USP43: variants seen among roughly 807,000 people sequenced by gnomAD.
USP43 encodes ubiquitin specific peptidase 43.
A neutral mutation model predicts 90.7 loss-of-function variants in USP43; 33 were observed. The observed-to-expected ratio is 0.36, with a 90% CI of 0.28 to 0.49. The LOEUF is 0.49. Ranked by LOEUF, USP43 falls within the 20% of genes least tolerant of loss-of-function variation. The probability of loss-of-function intolerance (pLI) is 0.98; values close to 1 mark genes in which losing one functional copy is unlikely to be tolerated. For missense variants in USP43, 1,274 were observed against 1,476.4 expected (o/e 0.86, Z 2.25); for synonymous variants, 598 against 615.8 (o/e 0.97, Z 0.43).
Position 9,728,277 on chromosome 17 carries a change from C to A in USP43, c.2659C>A (p.Pro887Thr). 6.2e-7 allele frequency: 1 copy of A among 1,613,520 alleles called. No homozygotes were observed. The change falls in exon 15 of 15, where the codon CCA (proline) becomes ACA (threonine). Residue 887 changes from proline to threonine, a missense_variant. Coordinates refer to ENST00000285199, the MANE Select transcript of USP43 (RefSeq NM_153210.5). This position sits in a 1 kb window ranked among gnomAD's most constrained non-coding sequence, Gnocchi z 6.2. ...TGGTGGGCGGGCCATTGAAAGAGGT[C>A]CAGCCGGGGTGCCCTGTCCCTCGGC... ...EDGGRAIERG[P>T]AGVPCPSAQP...
intron 1 of USP43, among the ~76,000 whole-genome samples, chr17:9,655,329 G>T (rs1444743331): frequency 6.6e-6 from 1 of 152,180 alleles, no homozygotes; most frequent in Non-Finnish European, 1.5e-5. Context: ...ACACCCAGAT[G>T]CCCACATGCT....
At position 9,728,009 on chromosome 17, in the gene USP43, G is replaced by A. The variant is rs1209402985; in HGVS notation, c.2391G>A (p.Met797Ile). 1 of 1,613,434 alleles carries A rather than the reference G, an allele frequency of 6.2e-7. No individual in the cohort carries two copies. Among genetic ancestry groups the A allele is most frequent in the Non-Finnish European group, 8.5e-7 (1 of 1,179,464 alleles). Residue 797 changes from methionine to isoleucine, a missense_variant, in exon 15 of 15, where the codon ATG becomes ATA. Met to Ile is a conservative substitution (Grantham distance 10). Transcript: ENST00000285199. This position sits in a 1 kb window ranked among gnomAD's most constrained non-coding sequence, Gnocchi z 6.2. ...GCGTGAAAGGCAGAAGCATTAGCAT[G>A]AAGGCACCCACCACTTCCCGAGCCA... ...VRGVKGRSIS[M>I]KAPTTSRAKQ...
chr17:9,682,605 T>G (rs1914357066), intron 6 of USP43, among the ~76,000 whole-genome samples: 1 of 152,128 alleles, frequency 6.6e-6, no homozygotes, highest in South Asian at 2.1e-4. Flanking sequence ...GTGAACACAA[T>G]TGCAAATTCA....
chr17:9,651,034 T>C (rs904120473), intron 1 of USP43, among the ~76,000 whole-genome samples: 3 of 152,150 alleles, frequency 2.0e-5, no homozygotes, highest in African/African-American at 7.2e-5. Flanking sequence ...CTTGTGCCTT[T>C]GCATCCTAAG....
chr17:9,677,602 G>A (rs1437910624), intron 5 of USP43, among the ~76,000 whole-genome samples: 1 of 152,178 alleles, frequency 6.6e-6, no homozygotes, highest in Non-Finnish European at 1.5e-5. Flanking sequence ...CCGTGGTGGC[G>A]CCAAGCCACA....
Position 9,728,725 on chromosome 17 carries a change from G to A in USP43, c.3107G>A (p.Gly1036Glu), listed in dbSNP as rs1218637669. The A allele has an allele frequency of 1.9e-6, 3 of 1,601,954 alleles. No individual in the cohort carries two copies. The highest frequency in any genetic ancestry group is 2.6e-6 in the Non-Finnish European group (3 of 1,174,742). ...VSGGLSPAMDGQAPGSPPALR... is the reference protein window; with the variant it reads ...VSGGLSPAMDEQAPGSPPALR... ...GGCGGGCTGAGCCCTGCCATGGACG[G>A]GCAGGCTCCAGGCTCACCTCCTGCC... Residue 1036 changes from glycine (G) to glutamate (E), a missense_variant, in exon 15 of 15, where the codon GGG becomes GAG. Physicochemically the swap from Gly to Glu is moderately conservative, Grantham distance 98. Transcript: ENST00000285199. The surrounding 1 kb of genome is among the most constrained non-coding windows in gnomAD (Gnocchi z 6.2).
intron 3 of USP43, among the ~76,000 whole-genome samples, chr17:9,668,836 C>CTTAT (rs1014674606): frequency 5.3e-5 from 8 of 150,888 alleles, no homozygotes; most frequent in African/African-American, 1.5e-4. Context: ...GGGCATCTGT[C>CTTAT]TTATTTATTT....
intron 5 of USP43, among the ~76,000 whole-genome samples, chr17:9,678,397 G>A (rs140919006): frequency 0.019 from 2,845 of 151,870 alleles, 79 homozygotes; most frequent in African/African-American, 0.063. Flanking sequence ...TCCCTCTGTC[G>A]CCAGGCTGGA....
chr17:9,708,670 C>T lies in USP43; in HGVS notation c.2012-1286C>T, dbSNP rs187074991. Among the ~76,000 whole-genome samples, 9 of 152,188 alleles carry T rather than the reference C, an allele frequency of 5.9e-5. 1 individual carries two copies. The highest frequency in any genetic ancestry group is 5.8e-4 in the East Asian group (3 of 5,178). ...TGAGACGGAGTCTCACTGTGTTGCC[C>T]GGGTTGGAGTGCAGTGGCGTGATCC... On this transcript the variant is annotated intron_variant, in intron 12 of 14. Transcript: ENST00000285199.
At position 9,729,006 on chromosome 17, in the gene USP43, T is replaced by C. The variant is rs751897843; in HGVS notation, c.*16T>C. On this transcript the variant is annotated 3_prime_UTR_variant, in exon 15 of 15. Coordinates refer to ENST00000285199, the MANE Select transcript of USP43 (RefSeq NM_153210.5). ...CAGCTTTTGATGGAGCGTGTCAGTA[T>C]TGTGTGACGCTGGCATTCTTGGGAC... is the stretch of plus-strand genomic sequence containing the variant. The C allele has an allele frequency of 2.6e-6, 4 of 1,521,454 alleles. No individual in the cohort carries two copies. The highest frequency in any genetic ancestry group is 2.7e-6 in the Non-Finnish European group (3 of 1,131,220). 94.2% of individuals were successfully genotyped at this position (1,521,454 alleles called of 1,614,324 possible). A position where few individuals can be genotyped will look rare whatever the true frequency, so the allele number is the denominator to read the frequency against.
chr17:9,680,113 G>T, intron 5 of USP43, 118 bp from the exon 6 acceptor site: 1 of 1,069,386 alleles, frequency 9.4e-7, no homozygotes, highest in South Asian at 1.6e-5. Context: ...CTAAAAATAA[G>T]TAGCCAATTG....
At chr17:9,658,522 C>T (rs1324491435) in intron 2 of USP43, among the ~76,000 whole-genome samples, 1 of 152,060 alleles carries the variant, frequency 6.6e-6, no homozygotes, top group African/African-American at 2.4e-5. Flanking sequence ...AATAATCACC[C>T]CAGTCATTCC....
At chr17:9,690,292 G>A (rs8078591) in intron 8 of USP43, among the ~76,000 whole-genome samples, 48,652 of 151,912 alleles carry the variant, frequency 0.32, 9,110 homozygotes, top group East Asian at 0.63. Flanking sequence ...AAACATGTCT[G>A]CCTTTTACCT....
chr17:9,713,863 G>T (rs534901940), intron 14 of USP43, among the ~76,000 whole-genome samples: 2 of 152,286 alleles, frequency 1.3e-5, no homozygotes, highest in South Asian at 4.1e-4. Context: ...GGGAAGTCAA[G>T]AATTTTTTGA....
At chr17:9,673,519 C>CA (rs140036196) in intron 3 of USP43, among the ~76,000 whole-genome samples, 1,797 of 151,340 alleles carry the variant, frequency 0.012, 38 homozygotes, top group African/African-American at 0.041. Context: ...CAAAAACAAA[C>CA]AAAAAAAAGT....
intron 1 of USP43, among the ~76,000 whole-genome samples, chr17:9,650,410 T>C (rs2151960572): frequency 6.6e-6 from 1 of 151,904 alleles, no homozygotes; most frequent in South Asian, 2.1e-4. Flanking sequence ...TTTGTTGTTG[T>C]GGTGGTGGTG....
chr17:9,678,419 C>T (rs577196768), intron 5 of USP43, among the ~76,000 whole-genome samples: 6 of 152,138 alleles, frequency 3.9e-5, no homozygotes, highest in South Asian at 2.1e-4. Flanking sequence ...TGCAGTGGCA[C>T]GATCTCGGCT....
chr17:9,728,306 A>T lies in USP43; in HGVS notation c.2688A>T (p.Gln896His). 1 of 1,612,944 alleles carries T rather than the reference A, an allele frequency of 6.2e-7. No homozygotes were observed. The highest frequency in any genetic ancestry group is 8.5e-7 in the Non-Finnish European group (1 of 1,179,508). Residue 896 changes from glutamine to histidine, a missense_variant, in exon 15 of 15, where the codon CAA (glutamine) becomes CAT (histidine). Physicochemically the swap from Gln to His is conservative, Grantham distance 24. Around this residue, in one of 6 missense-constraint regions of USP43, gnomAD observed 353 missense variants for 329.7 expected, o/e 1.07. Transcript: ENST00000285199. This position sits in a 1 kb window ranked among gnomAD's most constrained non-coding sequence, Gnocchi z 6.2. ...CCGGGGTGCCCTGTCCCTCGGCTCAACCCAACCACTGTCTGGCCCCTGGAA... is the reference window on the plus strand; with the variant it reads ...CCGGGGTGCCCTGTCCCTCGGCTCATCCCAACCACTGTCTGGCCCCTGGAA... Reference protein sequence around the residue: ...GPAGVPCPSAQPNHCLAPGNS... With the variant: ...GPAGVPCPSAHPNHCLAPGNS...
chr17:9,726,325 T>C (rs1342334421), intron 14 of USP43, among the ~76,000 whole-genome samples: 1 of 152,224 alleles, frequency 6.6e-6, no homozygotes, highest in African/African-American at 2.4e-5. Context: ...GCTGTGCCGC[T>C]GACAGGGGGC....
Sources: allele counts gnomAD v4.1 joint callset (sites outside exome capture counted in the v4.1 genomes callset), GRCh38; gene constraint gnomAD v4.1.1; regional missense constraint gnomAD v4.1.1; non-coding constraint Gnocchi (gnomAD v3.1); transcripts MANE v1.5; gene names NCBI Gene and HGNC (gene_info 2026-07-23, HGNC 2026-07-21).